TSPAN11: variants seen among roughly 807,000 people sequenced by gnomAD.
The protein encoded by TSPAN11 is tetraspanin 11, also known as tetraspanin-11.
A neutral mutation model predicts 32.9 loss-of-function variants in TSPAN11; 29 were observed. The ratio of observed to expected loss-of-function variants is 0.88; its 90% CI spans 0.66 to 1.20. TSPAN11 has a LOEUF of 1.20. Among genes scored for constraint, TSPAN11 ranks in the 50% most tolerant of loss-of-function variants. The probability of loss-of-function intolerance (pLI) is 0.00; values close to 1 mark genes in which losing one functional copy is unlikely to be tolerated. For missense variants in TSPAN11, 283 were observed against 329.1 expected (o/e 0.86, Z 1.08); for synonymous variants, 140 against 141.3 (o/e 0.99, Z 0.07).
chr12:31,000,979 C>T (rs1939472421), downstream of TSPAN11, among the ~76,000 whole-genome samples: 1 of 152,194 alleles, frequency 6.6e-6, no homozygotes, highest in Non-Finnish European at 1.5e-5. Context: ...GTCTCCACCC[C>T]ACTGCCCTTC....
chr12:30,961,828 C>T (rs962170165), intron 2 of TSPAN11, among the ~76,000 whole-genome samples: 1 of 152,056 alleles, frequency 6.6e-6, no homozygotes, highest in Non-Finnish European at 1.5e-5. Flanking sequence ...CTCACCCAAG[C>T]CTTCCAGGCA....
At chr12:30,942,149 T>C (rs1287822022) in intron 1 of TSPAN11, among the ~76,000 whole-genome samples, 2 of 152,244 alleles carry the variant, frequency 1.3e-5, no homozygotes, top group Non-Finnish European at 2.9e-5. Flanking sequence ...ACCCAATCTT[T>C]TCCCATTGTC....
At chr12:30,991,658 C>T (rs2140314876) in intron 7 of TSPAN11, among the ~76,000 whole-genome samples, 198 bp from the exon 8 acceptor site, 1 of 152,288 alleles carries the variant, frequency 6.6e-6, no homozygotes, top group Non-Finnish European at 1.5e-5. Context: ...CCCAGGCACA[C>T]CACCATCACC....
At chr12:31,001,993 CAG>C in the TSPAN11 span, among the ~76,000 whole-genome samples, 1 of 152,158 alleles carries the variant, frequency 6.6e-6, no homozygotes, top group Non-Finnish European at 1.5e-5. Context: ...CAAGAACAAG[CAG>C]AGACAGGGTG....
intron 1 of TSPAN11, among the ~76,000 whole-genome samples, chr12:30,936,564 C>G (rs890201949): frequency 6.6e-6 from 1 of 152,056 alleles, no homozygotes; most frequent in African/African-American, 2.4e-5. Context: ...GGTGGGTTCG[C>G]AAGATGTTCA....
chr12:30,985,641 G>A (rs1939187183), intron 7 of TSPAN11, among the ~76,000 whole-genome samples: 1 of 152,210 alleles, frequency 6.6e-6, no homozygotes, highest in African/African-American at 2.4e-5. Flanking sequence ...GGCCTGCTCT[G>A]TATGGACACA....
chr12:31,008,421 G>A, the TSPAN11 span, among the ~76,000 whole-genome samples: 1 of 152,200 alleles, frequency 6.6e-6, no homozygotes, highest in South Asian at 2.1e-4. Flanking sequence ...CTGTGCTGCT[G>A]TGGATGGTGC....
At chr12:30,943,298 T>A (rs1229550125) in intron 1 of TSPAN11, among the ~76,000 whole-genome samples, 1 of 152,178 alleles carries the variant, frequency 6.6e-6, no homozygotes, top group Non-Finnish European at 1.5e-5. Context: ...CTGCTCTGCG[T>A]GTCTGGGTCT....
chr12:30,942,551 C>T (rs1260168424), intron 1 of TSPAN11, among the ~76,000 whole-genome samples: 2 of 152,066 alleles, frequency 1.3e-5, no homozygotes, highest in African/African-American at 2.4e-5. Flanking sequence ...ACATAGCATG[C>T]ATGTGGCATT....
At chr12:30,942,832 C>T (rs543039352) in intron 1 of TSPAN11, among the ~76,000 whole-genome samples, 1 of 152,180 alleles carries the variant, frequency 6.6e-6, no homozygotes, top group Admixed American at 6.5e-5. Flanking sequence ...AATTCGAGTT[C>T]TACTGCACCA....
downstream of TSPAN11, chr12:30,997,486 AG>A (rs1939433473): frequency 1.3e-5 from 2 of 152,746 alleles, no homozygotes; most frequent in African/African-American, 4.8e-5. Flanking sequence ...GCAAAGGCGA[AG>A]GGGAAGCAGG....
intron 3 of TSPAN11, among the ~76,000 whole-genome samples, chr12:30,972,490 C>T (rs970774378): frequency 6.6e-6 from 1 of 152,056 alleles, no homozygotes; most frequent in Non-Finnish European, 1.5e-5. Context: ...ATAAGTAGAA[C>T]ACAAATGGGG....
chr12:30,990,932 G>C (rs1490218629), intron 7 of TSPAN11, among the ~76,000 whole-genome samples: 2 of 152,128 alleles, frequency 1.3e-5, no homozygotes, highest in East Asian at 3.9e-4. Flanking sequence ...ATCATTATCA[G>C]GATCATAATC....
intron 1 of TSPAN11, among the ~76,000 whole-genome samples, chr12:30,927,600 A>T (rs951902944): frequency 6.6e-6 from 1 of 151,476 alleles, no homozygotes; most frequent in Admixed American, 6.6e-5. Flanking sequence ...GTGGGGGGTG[A>T]GGAGAAGAGG....
At chr12:30,985,034 T>C (rs1222099778) in intron 7 of TSPAN11, among the ~76,000 whole-genome samples, 1 of 152,102 alleles carries the variant, frequency 6.6e-6, no homozygotes. Flanking sequence ...CTTGGCTGGC[T>C]TGGAGATACT....
intron 4 of TSPAN11, chr12:30,979,069 G>T (rs914827006): frequency 4.6e-5 from 11 of 236,658 alleles, no homozygotes; most frequent in Non-Finnish European, 9.0e-5. Context: ...CCACCCTTGA[G>T]CCCTCTGAAT....
intron 1 of TSPAN11, among the ~76,000 whole-genome samples, chr12:30,947,072 T>A (rs946007402): frequency 2.6e-5 from 4 of 152,182 alleles, no homozygotes; most frequent in Admixed American, 6.5e-5. Context: ...CAGGGGATTA[T>A]CCAAAGCCCA....
chr12:30,956,764 G>A (rs74478437), intron 2 of TSPAN11, among the ~76,000 whole-genome samples: 2,260 of 152,302 alleles, frequency 0.015, 49 homozygotes, highest in East Asian at 0.079. Flanking sequence ...CCCTGCAATG[G>A]TGTTCTCTAA....
At position 30,983,167 on chromosome 12, in the gene TSPAN11, G is replaced by A. The variant is rs1174924617; in HGVS notation, c.702+17G>A. ...TGCCTGCAGGTGAGTTGCAGTGCGGGGACTGGTGGGGGTGGAAGGGCTCTG... is the reference window on the plus strand; with the variant it reads ...TGCCTGCAGGTGAGTTGCAGTGCGGAGACTGGTGGGGGTGGAAGGGCTCTG... On this transcript the variant is annotated intron_variant, in intron 7 of 7. Coordinates refer to ENST00000546076, the MANE Select transcript of TSPAN11 (RefSeq NM_001370302.1). 4.2e-5 allele frequency: 68 copies of A among 1,604,070 alleles called. No homozygotes were observed. Among genetic ancestry groups the A allele is most frequent in the Non-Finnish European group, 5.6e-5 (66 of 1,176,346 alleles).
Sources: gnomAD v4.1 joint callset for allele counts (sites outside exome capture counted in the v4.1 genomes callset) on GRCh38, gnomAD v4.1.1 for gene constraint, MANE v1.5 for transcripts, NCBI Gene and HGNC (gene_info 2026-07-23, HGNC 2026-07-21) for gene names.